Variants in CDH13 observed in about 807,000 individuals in gnomAD.
CDH13 encodes cadherin 13, also known as cadherin-13.
Under a neutral mutation model 63.8 loss-of-function variants are expected in CDH13, and 24 were observed. The ratio of observed to expected loss-of-function variants is 0.38; its 90% confidence interval spans 0.27 to 0.53. The LOEUF is 0.53. Ranked by LOEUF, CDH13 falls within the 20% of genes least tolerant of loss-of-function variation. The pLI is 0.85. For missense variants in CDH13, 1,049 were observed against 903.1 expected (o/e 1.16, Z -2.07); for synonymous variants, 503 against 355.3 (o/e 1.42, Z -4.67).
At chr16:82,962,041 G>T (rs141871313) in intron 2 of CDH13, among the ~76,000 whole-genome samples, 11 of 152,334 alleles carry the variant, frequency 7.2e-5, no homozygotes, top group African/African-American at 2.6e-4. Flanking sequence ...GCTATGACAT[G>T]TGGCCCACTG....
At chr16:82,820,339 G>A (rs114038894) in intron 1 of CDH13, among the ~76,000 whole-genome samples, 2,195 of 152,232 alleles carry the variant, frequency 0.014, 53 homozygotes, top group African/African-American at 0.051. Context: ...TGGTGCCCTG[G>A]TAATGCCTCA....
At chr16:83,702,104 C>G (rs1469947566) in intron 10 of CDH13, among the ~76,000 whole-genome samples, 1 of 152,116 alleles carries the variant, frequency 6.6e-6, no homozygotes, top group Admixed American at 6.5e-5. Context: ...AAGAATCATC[C>G]CAAATATACC....
At chr16:83,055,983 G>A (rs1474842543) in intron 3 of CDH13, among the ~76,000 whole-genome samples, 1 of 152,078 alleles carries the variant, frequency 6.6e-6, no homozygotes, top group Non-Finnish European at 1.5e-5. Flanking sequence ...TCTAGGACAT[G>A]TTAACAACTC....
At chr16:82,832,603 A>C (rs1417090218) in intron 1 of CDH13, among the ~76,000 whole-genome samples, 5 of 8,630 alleles carry the variant, frequency 5.8e-4, no homozygotes, top group African/African-American at 9.4e-4. Flanking sequence ...ATTCCCAGCA[A>C]AAAAAAAAAA....
intron 11 of CDH13, among the ~76,000 whole-genome samples, chr16:83,762,826 C>G (rs1914085292): frequency 6.6e-6 from 1 of 152,252 alleles, no homozygotes; most frequent in Non-Finnish European, 1.5e-5. Context: ...GAATGGGGCT[C>G]TTATGCTCTC....
At chr16:82,748,239 C>G (rs975572142) in intron 1 of CDH13, among the ~76,000 whole-genome samples, 1 of 152,148 alleles carries the variant, frequency 6.6e-6, no homozygotes, top group Non-Finnish European at 1.5e-5. Context: ...ATCCACAAAC[C>G]CCACAGGAAA....
In CDH13 at chr16:83,013,684, A is replaced by G. The variant is rs752728473; in HGVS notation, c.158-18326A>G. Among the ~76,000 whole-genome samples, 58 of 152,226 alleles carry G rather than the reference A, an allele frequency of 3.8e-4. 1 individual carries two copies. Among genetic ancestry groups the G allele is most frequent in the Non-Finnish European group, 7.5e-4 (51 of 68,028 alleles). On this transcript the variant is annotated intron_variant, in intron 2 of 13. Transcript: ENST00000567109. ...GTTAGATGTCAGTGTGATACCTGAC[A>G]TAGAGACAATCTGACAGATCACAAA...
chr16:83,013,396 A>T (rs1221488881), intron 2 of CDH13, among the ~76,000 whole-genome samples: 1 of 152,176 alleles, frequency 6.6e-6, no homozygotes, highest in Non-Finnish European at 1.5e-5. Context: ...CATCTCAGTT[A>T]GGCCCACTCT....
At chr16:82,945,767 G>A (rs1904644930) in intron 2 of CDH13, among the ~76,000 whole-genome samples, 1 of 152,104 alleles carries the variant, frequency 6.6e-6, no homozygotes, top group Non-Finnish European at 1.5e-5. Context: ...GTTTTGATAG[G>A]CCAAAAGTAT....
At chr16:83,493,311 G>C (rs2151573936) in intron 7 of CDH13, among the ~76,000 whole-genome samples, 1 of 152,296 alleles carries the variant, frequency 6.6e-6, no homozygotes. Flanking sequence ...ACTATGGCAA[G>C]TTTCTTTAAA....
chr16:83,506,669 C>G (rs2074404282), intron 7 of CDH13, among the ~76,000 whole-genome samples: 1 of 152,186 alleles, frequency 6.6e-6, no homozygotes, highest in African/African-American at 2.4e-5. Flanking sequence ...CTTGTGTAGC[C>G]AAATAGGACA....
At chr16:83,121,193 TTTCAC>T (rs760837182) in intron 3 of CDH13, among the ~76,000 whole-genome samples, 7 of 152,210 alleles carry the variant, frequency 4.6e-5, no homozygotes, top group African/African-American at 7.2e-5. Context: ...ATTGAGTCCT[TTTCAC>T]TTCCTAGAGA....
intron 2 of CDH13, among the ~76,000 whole-genome samples, chr16:82,919,739 C>A (rs899866260): frequency 4.8e-4 from 73 of 152,064 alleles, no homozygotes; most frequent in Non-Finnish European, 1.8e-4. Flanking sequence ...GAACTTAAGC[C>A]GCGGTATAAT....
chr16:83,192,003 G>C (rs1258417297), intron 4 of CDH13, among the ~76,000 whole-genome samples: 1 of 152,102 alleles, frequency 6.6e-6, no homozygotes, highest in Non-Finnish European at 1.5e-5. Context: ...ATGTAGAATT[G>C]ATATGACGGT....
chr16:83,737,275 A>G (rs946612889), intron 10 of CDH13, among the ~76,000 whole-genome samples: 10 of 152,202 alleles, frequency 6.6e-5, no homozygotes, highest in African/African-American at 2.4e-4. Flanking sequence ...CTTGATATCT[A>G]CATCACAACT....
At chr16:82,905,414 G>A (rs1036905901) in intron 2 of CDH13, among the ~76,000 whole-genome samples, 1 of 150,358 alleles carries the variant, frequency 6.7e-6, no homozygotes, top group African/African-American at 2.5e-5. Flanking sequence ...GGACTTGGGT[G>A]TTATACCATG....
chr16:82,942,191 T>C (rs1904295904), intron 2 of CDH13, among the ~76,000 whole-genome samples: 1 of 152,186 alleles, frequency 6.6e-6, no homozygotes, highest in Admixed American at 6.5e-5. Flanking sequence ...TTAATTTTCA[T>C]CTTAAGTTAA....
At chr16:83,486,451 C>A in intron 6 of CDH13, 26 bp from the exon 7 acceptor site, 2 of 1,599,456 alleles carry the variant, frequency 1.3e-6, no homozygotes, top group Admixed American at 1.7e-5. Flanking sequence ...ATAACCATTC[C>A]GTGCCTTTCT....
At position 83,468,068 on chromosome 16, in the gene CDH13, C is replaced by T. The variant is rs1033574037; in HGVS notation, c.782-18409C>T. Among the ~76,000 whole-genome samples, 5 of 152,216 alleles carry T rather than the reference C, an allele frequency of 3.3e-5. No individual in the cohort carries two copies. The East Asian group carries it at 7.7e-4, about 23-fold the overall frequency. ...CACAAACTGTCTTCTCTCTTGCTTC[C>T]ATGCCCTTTTGGCACCGTGAACTTG... On this transcript the variant is annotated intron_variant, in intron 6 of 13. Coordinates refer to ENST00000567109, the MANE Select transcript of CDH13 (RefSeq NM_001257.5).
Sources: allele counts gnomAD v4.1 joint callset (sites outside exome capture counted in the v4.1 genomes callset), GRCh38; gene constraint gnomAD v4.1.1; transcripts MANE v1.5; gene names NCBI Gene and HGNC (gene_info 2026-07-23, HGNC 2026-07-21).